The following ELP4 variants were observed in gnomAD, a reference collection of about 807,000 sequenced individuals.
The protein encoded by ELP4 is elongator acetyltransferase complex subunit 4.
A neutral mutation model predicts 48.9 loss-of-function variants in ELP4; 51 were observed. The observed-to-expected ratio is 1.04, with a 90% CI of 0.83 to 1.32. The LOEUF is 1.32. ELP4 is among the 40% of genes most tolerant of loss of function. The probability of loss-of-function intolerance (pLI) is 0.00; values close to 1 mark genes in which losing one functional copy is unlikely to be tolerated. For synonymous variants in ELP4, 210 were observed against 189.2 expected (o/e 1.11, Z -0.90); for missense variants, 519 against 514.6 (o/e 1.01, Z -0.08).
chr11:31,698,163 T>C (rs973310904), intron 9 of ELP4, among the ~76,000 whole-genome samples: 18 of 152,198 alleles, frequency 1.2e-4, no homozygotes, highest in Admixed American at 1.1e-3. Flanking sequence ...GTATAAAATA[T>C]GCATAGTATA....
intron 9 of ELP4, among the ~76,000 whole-genome samples, chr11:31,675,652 T>A (rs1345438398): frequency 6.6e-6 from 1 of 152,192 alleles, no homozygotes; most frequent in African/African-American, 2.4e-5. Context: ...ATACATGGTT[T>A]CTGTTCTCAC....
At chr11:31,699,821 A>T (rs112638503) in intron 9 of ELP4, among the ~76,000 whole-genome samples, 1 of 152,082 alleles carries the variant, frequency 6.6e-6, no homozygotes. Flanking sequence ...GCAGAGTATC[A>T]TGTTAGTGGT....
rs1040716883 is a variant in ELP4 at position 31,549,018 on chromosome 11, A to G, written c.381+9235A>G. Reference sequence around the variant, plus strand: ...GATTAAAGACTTAAACGTTAGACCTAAAACCATAAAAACCCTAGAAGAAAA... The same window carrying G: ...GATTAAAGACTTAAACGTTAGACCTGAAACCATAAAAACCCTAGAAGAAAA... On this transcript the variant is annotated intron_variant, in intron 3 of 9. Transcript: ENST00000640961. Among the ~76,000 whole-genome samples the G allele has an allele frequency of 2.9e-3, 445 of 152,252 alleles. 1 individual carries two copies. Among genetic ancestry groups the G allele is most frequent in the African/African-American group, 9.9e-3 (411 of 41,506 alleles).
chr11:31,662,047 G>C (rs539797133), intron 9 of ELP4, among the ~76,000 whole-genome samples: 1 of 151,892 alleles, frequency 6.6e-6, no homozygotes, highest in Admixed American at 6.6e-5. Context: ...CTTCAGTTTG[G>C]CTTGTTCAGA....
At chr11:31,680,080 AT>A (rs1240180529) in intron 9 of ELP4, among the ~76,000 whole-genome samples, 1 of 152,026 alleles carries the variant, frequency 6.6e-6, no homozygotes, top group African/African-American at 2.4e-5. Flanking sequence ...TCTGCCTATC[AT>A]TTCTACAATC....
At chr11:31,520,771 T>C (rs1956200391) in intron 2 of ELP4, among the ~76,000 whole-genome samples, 1 of 152,142 alleles carries the variant, frequency 6.6e-6, no homozygotes, top group Non-Finnish European at 1.5e-5. Flanking sequence ...TGAAAATACC[T>C]ATTTTTTCAT....
chr11:31,563,903 G>A lies in ELP4; in HGVS notation c.381+24120G>A, dbSNP rs1216900837. Reference sequence around the variant, plus strand: ...TCTGGGTTAGAAATCAAAGGCTGGGGATTTTTGAAAGTGTAAGGGAGGATG... The same window carrying A: ...TCTGGGTTAGAAATCAAAGGCTGGGAATTTTTGAAAGTGTAAGGGAGGATG... On this transcript the variant is annotated intron_variant, in intron 3 of 9. Coordinates refer to ENST00000640961, the MANE Select transcript of ELP4 (RefSeq NM_019040.5). 2.6e-5 allele frequency among the ~76,000 whole-genome samples: 4 copies of A among 152,172 alleles called. No homozygotes were observed. The East Asian group carries it at 7.7e-4, about 29-fold the overall frequency.
chr11:31,625,936 A>G (rs1944733956), intron 5 of ELP4, among the ~76,000 whole-genome samples: 2 of 151,902 alleles, frequency 1.3e-5, no homozygotes, highest in Admixed American at 1.3e-4. Flanking sequence ...TTCACTGAAA[A>G]TGGAGAAATA....
rs506227 is a variant in ELP4 at position 31,515,892 on chromosome 11, C to T, written c.224-4164C>T. On this transcript the variant is annotated intron_variant, in intron 1 of 9. Coordinates refer to ENST00000640961, the MANE Select transcript of ELP4 (RefSeq NM_019040.5). ...TTGGGAGGCCGAGGCGGGCGGATCA[C>T]GAGGTCAGGAGATTGAGACCATCCT... 5.2e-3 allele frequency among the ~76,000 whole-genome samples: 798 copies of T among 152,248 alleles called. 6 individuals carry two copies. Among genetic ancestry groups the T allele is most frequent in the African/African-American group, 0.018 (764 of 41,562 alleles).
intron 9 of ELP4, among the ~76,000 whole-genome samples, chr11:31,752,068 G>A (rs944924493): frequency 6.6e-6 from 1 of 152,078 alleles, no homozygotes; most frequent in African/African-American, 2.4e-5. Context: ...TACGGGAAAA[G>A]GAAACTGTTC....
intron 7 of ELP4, among the ~76,000 whole-genome samples, chr11:31,643,130 C>G (rs1945132722): frequency 6.6e-6 from 1 of 151,840 alleles, no homozygotes; most frequent in East Asian, 1.9e-4. Flanking sequence ...CGCTCTCTCC[C>G]AACACACAAC....
At chr11:31,547,701 C>G (rs1565046657) in intron 3 of ELP4, among the ~76,000 whole-genome samples, 2 of 152,140 alleles carry the variant, frequency 1.3e-5, no homozygotes, top group African/African-American at 2.4e-5. Context: ...AATTTTAGAC[C>G]AATATCCTTG....
chr11:31,714,841 G>A, intron 9 of ELP4: 1 of 398,208 alleles, frequency 2.5e-6, no homozygotes, highest in Admixed American at 4.4e-5. Context: ...TCACTTTTAA[G>A]GATCCTTGTA....
chr11:31,564,150 T>C (rs1182293638), intron 3 of ELP4, among the ~76,000 whole-genome samples: 7 of 152,162 alleles, frequency 4.6e-5, no homozygotes, highest in African/African-American at 1.7e-4. Flanking sequence ...ATTTTAGTAC[T>C]TCCAAATATA....
chr11:31,569,089 A>T (rs576388102), intron 3 of ELP4, among the ~76,000 whole-genome samples: 1 of 151,988 alleles, frequency 6.6e-6, no homozygotes, highest in Non-Finnish European at 1.5e-5. Context: ...CATCTCAAAA[A>T]AAAAAATAAA....
chr11:31,736,100 A>G (rs1947310238), intron 9 of ELP4, among the ~76,000 whole-genome samples: 1 of 152,186 alleles, frequency 6.6e-6, no homozygotes. Context: ...AGTAACCAAA[A>G]CAGCATGGTA....
chr11:31,625,232 C>A (rs1026988113), intron 5 of ELP4, among the ~76,000 whole-genome samples: 1 of 151,596 alleles, frequency 6.6e-6, no homozygotes, highest in African/African-American at 2.4e-5. Flanking sequence ...TTTTTCAATT[C>A]TATTACAATC....
intron 9 of ELP4, among the ~76,000 whole-genome samples, chr11:31,746,397 C>T (rs1047140425): frequency 6.6e-6 from 1 of 152,146 alleles, no homozygotes; most frequent in African/African-American, 2.4e-5. Context: ...GGTATATACC[C>T]AAAGGATTAT....
intron 9 of ELP4, among the ~76,000 whole-genome samples, chr11:31,668,236 A>C (rs1256426887): frequency 6.6e-6 from 1 of 152,124 alleles, no homozygotes; most frequent in East Asian, 1.9e-4. Context: ...TCTTTTCAAC[A>C]CTTTTTAATA....
Sources: allele counts gnomAD v4.1 joint callset (sites outside exome capture counted in the v4.1 genomes callset), GRCh38; gene constraint gnomAD v4.1.1; transcripts MANE v1.5; gene names NCBI Gene and HGNC (gene_info 2026-07-23, HGNC 2026-07-21).